RYR2: variants seen among roughly 807,000 people sequenced by gnomAD.
RYR2 encodes the protein cardiac muscle ryanodine receptor-calcium release channel.
RYR2 carries 227 observed loss-of-function variants against 601.1 expected under a neutral mutation model. The observed-to-expected ratio is 0.38, with a 90% CI of 0.34 to 0.42. The LOEUF (loss-of-function observed/expected upper bound fraction) is 0.42. Among genes scored for constraint, RYR2 ranks in the 10% least tolerant of loss-of-function variants. RYR2 has a pLI of 1.00. For synonymous variants in RYR2, 2,223 were observed against 2,175.1 expected (o/e 1.02, Z -0.61); for missense variants, 4,646 against 6,156.5 (o/e 0.75, Z 8.21).
In RYR2 at chr1:237,106,350, C is replaced by G. The variant is rs963004505; in HGVS notation, c.48+63781C>G. On this transcript the variant is annotated intron_variant, in intron 1 of 104. Transcript: ENST00000366574. This position sits in a 1 kb window ranked among gnomAD's most constrained non-coding sequence, Gnocchi z 4.4. ...CGGTGGCAGCAGGGGGAGGTGGCAC[C>G]GAGCAGCAGGACCCTGGATATTTTT... Among the ~76,000 whole-genome samples, 3 of 152,118 alleles carry G rather than the reference C, an allele frequency of 2.0e-5. No individual in the cohort carries two copies. The highest frequency in any genetic ancestry group is 7.2e-5 in the African/African-American group (3 of 41,496).
At chr1:237,342,211 T>A (rs1255452719) in intron 3 of RYR2, among the ~76,000 whole-genome samples, 1 of 152,008 alleles carries the variant, frequency 6.6e-6, no homozygotes, top group African/African-American at 2.4e-5. Context: ...TGCAGTGGTA[T>A]GATCATAGCT....
chr1:237,269,856 T>A (rs563894047), intron 1 of RYR2, among the ~76,000 whole-genome samples: 1 of 152,320 alleles, frequency 6.6e-6, no homozygotes, highest in African/African-American at 2.4e-5. Flanking sequence ...CCATGTACAG[T>A]TTCTTCAGTA....
intron 1 of RYR2, among the ~76,000 whole-genome samples, chr1:237,117,671 C>CTCTTCTCTTCT (rs149106840): frequency 1.1e-4 from 7 of 64,530 alleles, no homozygotes; most frequent in East Asian, 9.6e-4. Context: ...CTCTTCTCTT[C>CTCTTCTCTTCT]CTTCTCTTCT....
intron 3 of RYR2, among the ~76,000 whole-genome samples, chr1:237,350,848 C>G (rs1698777614): frequency 6.6e-6 from 1 of 151,594 alleles, no homozygotes; most frequent in South Asian, 2.1e-4. Flanking sequence ...CCATCCTTCT[C>G]ACAGTATTAC....
chr1:237,832,139 A>G (rs1049438667), intron 104 of RYR2, among the ~76,000 whole-genome samples: 16 of 152,186 alleles, frequency 1.1e-4, no homozygotes, highest in African/African-American at 3.9e-4. Context: ...CCTGGGCTCA[A>G]TAAATCCTCC....
intron 99 of RYR2, among the ~76,000 whole-genome samples, chr1:237,808,121 C>T (rs1001570272): frequency 5.3e-5 from 8 of 152,116 alleles, no homozygotes; most frequent in Non-Finnish European, 1.0e-4. Flanking sequence ...AAATAGCCTT[C>T]AAAACAGTGT....
intron 1 of RYR2, among the ~76,000 whole-genome samples, chr1:237,148,553 T>TATATATATATACATAC (rs71178397): frequency 5.6e-4 from 59 of 105,688 alleles, no homozygotes; most frequent in African/African-American, 2.2e-3. Flanking sequence ...TATATATATA[T>TATATATATATACATAC]ACACACACAC....
chr1:237,538,394 CAAAAAAAAAAAAA>C (rs10551995), intron 25 of RYR2, among the ~76,000 whole-genome samples: 1 of 32,898 alleles, frequency 3.0e-5, no homozygotes, highest in Admixed American at 6.4e-4. Context: ...GACTCTGTCT[CAAAAAAAAAAAAA>C]AAAAAAAAAA....
chr1:237,598,573 G>GT (rs1676141767), intron 34 of RYR2, among the ~76,000 whole-genome samples: 1 of 152,122 alleles, frequency 6.6e-6, no homozygotes, highest in African/African-American at 2.4e-5. Context: ...GTGGGTAAAT[G>GT]AAGATGTTAA....
At chr1:237,699,542 T>C (rs548768705) in intron 64 of RYR2, among the ~76,000 whole-genome samples, 6 of 152,362 alleles carry the variant, frequency 3.9e-5, no homozygotes, top group African/African-American at 1.2e-4. Context: ...TCAGTTCATT[T>C]AGCATGATTG....
At chr1:237,199,360 C>T (rs1355870745) in intron 1 of RYR2, among the ~76,000 whole-genome samples, 6 of 152,126 alleles carry the variant, frequency 3.9e-5, no homozygotes, top group East Asian at 1.9e-4. Context: ...AGTCTGTGGC[C>T]GAAGGCCCAA....
intron 1 of RYR2, among the ~76,000 whole-genome samples, chr1:237,237,424 A>G (rs184719729): frequency 1.5e-3 from 236 of 152,286 alleles, no homozygotes; most frequent in Non-Finnish European, 2.8e-3. Flanking sequence ...ACCCAAAGAA[A>G]CCTGAAAAAC....
chr1:237,373,285 C>T (rs6703660), intron 6 of RYR2, among the ~76,000 whole-genome samples: 10,632 of 152,194 alleles, frequency 0.07, 382 homozygotes, highest in Middle Eastern at 0.088. Context: ...GGAGCCATTT[C>T]TTTGTAGTTA....
chr1:237,828,119 CA>C (rs1663373896), intron 101 of RYR2, among the ~76,000 whole-genome samples: 1 of 152,106 alleles, frequency 6.6e-6, no homozygotes, highest in African/African-American at 2.4e-5. Flanking sequence ...GCCAAGTTAA[CA>C]AAAGGTTTTT....
intron 11 of RYR2, among the ~76,000 whole-genome samples, chr1:237,422,075 T>C (rs1272224490): frequency 1.3e-5 from 2 of 152,188 alleles, no homozygotes; most frequent in African/African-American, 4.8e-5. Context: ...CATGGTACGG[T>C]GTTAAGGGAA....
At chr1:237,286,290 A>G (rs1197951163) in intron 2 of RYR2, among the ~76,000 whole-genome samples, 1 of 152,034 alleles carries the variant, frequency 6.6e-6, no homozygotes, top group Non-Finnish European at 1.5e-5. Flanking sequence ...ATGCTCATTC[A>G]GGAGCAGGTT....
At chr1:237,786,453 G>C (rs1404592976) in intron 91 of RYR2, among the ~76,000 whole-genome samples, 1 of 152,220 alleles carries the variant, frequency 6.6e-6, no homozygotes, top group East Asian at 1.9e-4. Context: ...GTGGAGTGGT[G>C]CTCCTTAAAC....
Position 237,660,946 on chromosome 1 carries a change from A to T in RYR2, c.8435A>T (p.Gln2812Leu). 7.1e-7 allele frequency: 1 copy of T among 1,403,576 alleles called. No homozygotes were observed. Among genetic ancestry groups the T allele is most frequent in the Non-Finnish European group, 9.3e-7 (1 of 1,069,928 alleles). 86.9% of individuals were successfully genotyped at this position (1,403,576 alleles called of 1,614,324 possible). A position where few individuals can be genotyped will look rare whatever the true frequency, so the allele number is the denominator to read the frequency against. Reference sequence around the variant, plus strand: ...ACTCGTCGTATTTCTCAGACAAGCCAGGTAAGAATTCATCACGGTGATGAA... The same window carrying T: ...ACTCGTCGTATTTCTCAGACAAGCCTGGTAAGAATTCATCACGGTGATGAA... ...NRTRRISQTS[Q>L]VSVDAAHGYS... Residue 2812 changes from glutamine to leucine, a missense_variant and splice_region_variant, in exon 56 of 105, where the codon CAG (glutamine) becomes CTG (leucine). By Grantham distance (113) the Gln-to-Leu change is moderately radical. Around this residue, in one of 17 missense-constraint regions of RYR2, gnomAD observed 1,497 missense variants for 1,842.6 expected, o/e 0.81. Transcript: ENST00000366574.
intron 38 of RYR2, among the ~76,000 whole-genome samples, chr1:237,621,082 T>C (rs969994712): frequency 2.0e-5 from 3 of 152,136 alleles, no homozygotes; most frequent in Admixed American, 1.3e-4. Context: ...CACATTGTTA[T>C]CAAATTAGAA....
Sources: gnomAD v4.1 joint callset for allele counts (sites outside exome capture counted in the v4.1 genomes callset) on GRCh38, gnomAD v4.1.1 for gene constraint, gnomAD v4.1.1 regional missense constraint, Gnocchi (gnomAD v3.1) non-coding constraint, MANE v1.5 for transcripts, NCBI Gene and HGNC (gene_info 2026-07-23, HGNC 2026-07-21) for gene names.